Variants in CNGB3 observed in about 807,000 individuals in gnomAD.
CNGB3 encodes cyclic nucleotide gated channel subunit beta 3, also known as cyclic nucleotide-gated channel beta-3.
Under a neutral mutation model 92.8 loss-of-function variants are expected in CNGB3, and 86 were observed. The ratio of observed to expected loss-of-function variants is 0.93; its 90% CI spans 0.78 to 1.11. The LOEUF is 1.11. Among genes scored for constraint, CNGB3 ranks in the 50% least tolerant of loss-of-function variants. The pLI is 0.00. For missense variants in CNGB3, 1,026 were observed against 956.8 expected (o/e 1.07, Z -0.95); for synonymous variants, 333 against 332.7 (o/e 1.00, Z -0.01).
At chr8:86,691,095 G>T (rs1354385324) in intron 3 of CNGB3, among the ~76,000 whole-genome samples, 1 of 151,940 alleles carries the variant, frequency 6.6e-6, no homozygotes, top group Non-Finnish European at 1.5e-5. Flanking sequence ...ATTCTGGTTT[G>T]GTATAATTTT....
intron 6 of CNGB3, among the ~76,000 whole-genome samples, chr8:86,665,962 C>A (rs1823733494): frequency 2.0e-5 from 3 of 152,160 alleles, no homozygotes; most frequent in African/African-American, 7.2e-5. Context: ...AGTGTCCAGG[C>A]CTAAAACCCT....
intron 3 of CNGB3, among the ~76,000 whole-genome samples, chr8:86,672,594 CT>C (rs997176150): frequency 7.9e-5 from 12 of 152,196 alleles, no homozygotes; most frequent in African/African-American, 2.9e-4. Flanking sequence ...CATATCTGCC[CT>C]TCCCATCTCA....
At chr8:86,696,464 A>G (rs1212882565) in intron 3 of CNGB3, among the ~76,000 whole-genome samples, 2 of 152,148 alleles carry the variant, frequency 1.3e-5, no homozygotes, top group African/African-American at 4.8e-5. Flanking sequence ...TGCAGTGACA[A>G]GCCACTTCTT....
intron 10 of CNGB3, among the ~76,000 whole-genome samples, chr8:86,637,025 C>T (rs1333799613): frequency 6.6e-6 from 1 of 152,142 alleles, no homozygotes. Flanking sequence ...ATTTAGGTTC[C>T]TTCCATGTTT....
intron 3 of CNGB3, among the ~76,000 whole-genome samples, chr8:86,695,017 G>C (rs1292980877): frequency 1.3e-5 from 2 of 152,214 alleles, no homozygotes; most frequent in Non-Finnish European, 2.9e-5. Context: ...ATTGAGCACT[G>C]AGTGAACGAG....
chr8:86,632,353 A>T (rs1054354745), intron 11 of CNGB3, among the ~76,000 whole-genome samples: 3 of 152,152 alleles, frequency 2.0e-5, no homozygotes, highest in African/African-American at 7.2e-5. Flanking sequence ...ATAACTTATT[A>T]ATTATTTTAT....
chr8:86,659,778 C>G (rs1823596327), intron 6 of CNGB3: 1 of 375,094 alleles, frequency 2.7e-6, no homozygotes, highest in African/African-American at 2.1e-5. Flanking sequence ...CCCTTTGGCT[C>G]CCTGCTTTCA....
intron 14 of CNGB3, among the ~76,000 whole-genome samples, chr8:86,608,237 A>T (rs1822449399): frequency 6.6e-6 from 1 of 152,258 alleles, no homozygotes; most frequent in African/African-American, 2.4e-5. Context: ...ACCTAGGGAA[A>T]ACCAGGCCAT....
chr8:86,739,702 G>A lies in CNGB3; in HGVS notation c.164C>T (p.Thr55Ile), dbSNP rs946476370. The change falls in exon 2 of 18, where the codon ACC (threonine) becomes ATC (isoleucine). Residue 55 changes from threonine (T) to isoleucine (I), a missense_variant. Thr to Ile is a moderately conservative substitution (Grantham distance 89). Coordinates refer to ENST00000320005, the MANE Select transcript of CNGB3 (RefSeq NM_019098.5). Reference protein sequence around the residue: ...ENKGEEKSLKTKSTPVTSEEP... With the variant: ...ENKGEEKSLKIKSTPVTSEEP... ...TTCAGACGTGACTGGAGTTGACTTG[G>A]TTTTGAGAGATTTCTCTTCACCTTT... 1.2e-6 allele frequency: 2 copies of A among 1,610,398 alleles called. No individual in the cohort carries two copies. Among genetic ancestry groups the A allele is most frequent in the Non-Finnish European group, 1.7e-6 (2 of 1,179,486 alleles).
At chr8:86,667,711 A>T (rs1823771130) in intron 5 of CNGB3, among the ~76,000 whole-genome samples, 1 of 152,194 alleles carries the variant, frequency 6.6e-6, no homozygotes, top group Admixed American at 6.5e-5. Flanking sequence ...AAGAAGACTG[A>T]CACTTTATAA....
intron 7 of CNGB3, 32 bp from the exon 8 acceptor site, chr8:86,647,919 T>G: frequency 8.0e-7 from 1 of 1,249,252 alleles, no homozygotes; most frequent in Non-Finnish European, 1.2e-6. Flanking sequence ...AAATATGTTG[T>G]GTTTACATGC....
intron 7 of CNGB3, among the ~76,000 whole-genome samples, chr8:86,649,612 C>T (rs903944068): frequency 7.3e-5 from 11 of 151,644 alleles, no homozygotes; most frequent in Admixed American, 2.0e-4. Context: ...AAGAGTGAAA[C>T]TAGATCCCTA....
intron 2 of CNGB3, among the ~76,000 whole-genome samples, chr8:86,733,122 T>A (rs1289961438): frequency 6.6e-6 from 1 of 152,166 alleles, no homozygotes; most frequent in Non-Finnish European, 1.5e-5. Flanking sequence ...GCCTGCAGAA[T>A]CTATTGTTCC....
At chr8:86,651,036 T>C (rs983735166) in intron 7 of CNGB3, among the ~76,000 whole-genome samples, 7 of 151,862 alleles carry the variant, frequency 4.6e-5, no homozygotes, top group African/African-American at 1.4e-4. Flanking sequence ...GAGGCCATTA[T>C]TCTAAGTGAA....
At chr8:86,696,570 A>G (rs1264240096) in intron 3 of CNGB3, among the ~76,000 whole-genome samples, 2 of 152,086 alleles carry the variant, frequency 1.3e-5, no homozygotes, top group Non-Finnish European at 2.9e-5. Context: ...ACACTGTTCT[A>G]TCCATCCAGT....
rs767781046 is a variant in CNGB3, at chr8:86,739,748, A to G, written c.130-12T>C. 6.2e-7 allele frequency: 1 copy of G among 1,612,892 alleles called. No individual in the cohort carries two copies. Among genetic ancestry groups the G allele is most frequent in the Admixed American group, 1.7e-5 (1 of 59,998 alleles). On this transcript the variant is annotated splice_polypyrimidine_tract_variant and intron_variant, in intron 1 of 17. Transcript: ENST00000320005. Reference sequence around the variant, plus strand: ...CCTTTGTTTTCTTCCTTTGAGAAAAAACATAGAGATTGTATGTGATGAATT... The same window carrying G: ...CCTTTGTTTTCTTCCTTTGAGAAAAGACATAGAGATTGTATGTGATGAATT...
At chr8:86,589,446 G>A (rs576615098) in intron 15 of CNGB3, among the ~76,000 whole-genome samples, 6 of 151,060 alleles carry the variant, frequency 4.0e-5, no homozygotes, top group African/African-American at 1.5e-4. Context: ...GTCAATTTTG[G>A]ATCTTTCCTG....
At chr8:86,611,357 C>T (rs3779804) in intron 14 of CNGB3, among the ~76,000 whole-genome samples, 132,472 of 152,150 alleles carry the variant, frequency 0.87, 57,858 homozygotes, top group Non-Finnish European at 0.9. Flanking sequence ...AGAGCAGTTT[C>T]TCAGACTACC....
chr8:86,696,719 C>T (rs778964629), intron 3 of CNGB3, among the ~76,000 whole-genome samples: 1 of 152,004 alleles, frequency 6.6e-6, no homozygotes, highest in Non-Finnish European at 1.5e-5. Context: ...ATTTATTTTG[C>T]CTTATATACA....
Sources: allele counts gnomAD v4.1 joint callset (sites outside exome capture counted in the v4.1 genomes callset), GRCh38; gene constraint gnomAD v4.1.1; transcripts MANE v1.5; gene names NCBI Gene and HGNC (gene_info 2026-07-23, HGNC 2026-07-21).